ROR1: variants seen among roughly 807,000 people sequenced by gnomAD.
The protein encoded by ROR1 is ROR family WNT receptor 1.
Under a neutral mutation model 78.8 loss-of-function variants are expected in ROR1, and 19 were observed. The observed-to-expected ratio is 0.24, with a 90% CI of 0.17 to 0.35. ROR1 has a LOEUF of 0.35. Among genes scored for constraint, ROR1 ranks in the 10% least tolerant of loss-of-function variants. The pLI, the probability that ROR1 is intolerant of heterozygous loss-of-function variation, is 1.00. For missense variants in ROR1, 917 were observed against 1,177.8 expected (o/e 0.78, Z 3.24); for synonymous variants, 386 against 433.6 (o/e 0.89, Z 1.36).
intron 5 of ROR1, among the ~76,000 whole-genome samples, chr1:64,138,486 C>T (rs908808091): frequency 1.3e-5 from 2 of 151,412 alleles, no homozygotes; most frequent in Non-Finnish European, 2.9e-5. Context: ...TATGTGGAAG[C>T]TATGTGCTAT....
chr1:64,084,742 C>G (rs1050269383), intron 4 of ROR1, among the ~76,000 whole-genome samples: 2 of 152,170 alleles, frequency 1.3e-5, no homozygotes, highest in Non-Finnish European at 2.9e-5. Context: ...TTAATTACCC[C>G]CCAAACTCCT....
intron 1 of ROR1, among the ~76,000 whole-genome samples, chr1:64,004,735 C>T (rs1295657480): frequency 1.3e-5 from 2 of 152,156 alleles, no homozygotes; most frequent in Non-Finnish European, 2.9e-5. Flanking sequence ...AGAGCACAGG[C>T]TTTTATCAAT....
intron 1 of ROR1, among the ~76,000 whole-genome samples, chr1:63,863,733 A>ATTGTG (rs1645196736): frequency 7.6e-6 from 1 of 132,042 alleles, no homozygotes; most frequent in African/African-American, 3.1e-5. Context: ...ATTGTATTGT[A>ATTGTG]TTGTATTGTA....
At chr1:63,891,758 T>A (rs1645398289) in intron 1 of ROR1, among the ~76,000 whole-genome samples, 1 of 152,096 alleles carries the variant, frequency 6.6e-6, no homozygotes, top group Admixed American at 6.5e-5. Flanking sequence ...TCTTCTTCTG[T>A]CTGTGGACAT....
chr1:63,930,673 A>T (rs928245629), intron 1 of ROR1, among the ~76,000 whole-genome samples: 4 of 152,188 alleles, frequency 2.6e-5, no homozygotes, highest in South Asian at 2.1e-4. Flanking sequence ...TTTCCTGACC[A>T]TCGCTCATTT....
intron 4 of ROR1, among the ~76,000 whole-genome samples, chr1:64,125,684 T>C (rs1019014245): frequency 2.6e-5 from 4 of 152,106 alleles, no homozygotes; most frequent in Admixed American, 2.6e-4. Context: ...GTTGCAGGGC[T>C]TATGGGGAGT....
rs58097737 is a variant in ROR1 at position 63,807,170 on chromosome 1, T to C, written c.91+32662T>C. ...ACAGATGGTCTTCTGAGACTCTCCA[T>C]GGCAACCTGCAGCTAATCTCTGCCC... On this transcript the variant is annotated intron_variant, in intron 1 of 8. Coordinates refer to ENST00000371079, the MANE Select transcript of ROR1 (RefSeq NM_005012.4). Among the ~76,000 whole-genome samples the C allele has an allele frequency of 2.3e-3, 344 of 152,342 alleles. 3 individuals are homozygous for C. In the East Asian group the frequency reaches 0.033, roughly 15 times the overall value.
rs1024799902 is a variant in ROR1, at chr1:64,040,075, G to A, written c.164-9616G>A. 5.9e-5 allele frequency among the ~76,000 whole-genome samples: 9 copies of A among 152,208 alleles called. 1 individual carries two copies. The highest frequency in any genetic ancestry group is 2.2e-4 in the African/African-American group (9 of 41,466). On this transcript the variant is annotated intron_variant, in intron 2 of 8. Coordinates refer to ENST00000371079, the MANE Select transcript of ROR1 (RefSeq NM_005012.4). Reference sequence around the variant, plus strand: ...TTTACAGGGATGGGAAAAGCTTCAAGTGACTTCTTGGAATGTAGATGTACC... The same window carrying A: ...TTTACAGGGATGGGAAAAGCTTCAAATGACTTCTTGGAATGTAGATGTACC...
At chr1:63,922,217 G>A (rs1645660899) in intron 1 of ROR1, among the ~76,000 whole-genome samples, 4 of 152,218 alleles carry the variant, frequency 2.6e-5, no homozygotes, top group Admixed American at 2.6e-4. Flanking sequence ...AGTATTTTAT[G>A]TGAGTTATTT....
chr1:63,959,422 C>T (rs1326547855), intron 1 of ROR1, among the ~76,000 whole-genome samples: 2 of 152,118 alleles, frequency 1.3e-5, no homozygotes, highest in Non-Finnish European at 2.9e-5. Flanking sequence ...TTGGATTTCT[C>T]CTTTCACCGA....
intron 1 of ROR1, among the ~76,000 whole-genome samples, chr1:63,802,181 A>G (rs1407504173): frequency 6.6e-6 from 1 of 152,198 alleles, no homozygotes; most frequent in Non-Finnish European, 1.5e-5. Flanking sequence ...ATTTCCAAAA[A>G]ATTATATAGC....
intron 1 of ROR1, among the ~76,000 whole-genome samples, chr1:63,947,769 C>T (rs1263787984): frequency 6.6e-6 from 1 of 152,132 alleles, no homozygotes; most frequent in Non-Finnish European, 1.5e-5. Flanking sequence ...AGAATATGAT[C>T]CCCAGTTGGG....
At chr1:64,062,823 T>A (rs1224931531) in intron 4 of ROR1, among the ~76,000 whole-genome samples, 1 of 152,180 alleles carries the variant, frequency 6.6e-6, no homozygotes, top group Non-Finnish European at 1.5e-5. Context: ...ATAATCTTGA[T>A]GATGTTAAAG....
intron 1 of ROR1, among the ~76,000 whole-genome samples, chr1:63,824,686 T>A (rs983063601): frequency 1.3e-5 from 2 of 152,178 alleles, no homozygotes; most frequent in Non-Finnish European, 2.9e-5. Context: ...TCTTAATGAC[T>A]GGCAATACAT....
At chr1:63,913,628 G>A (rs1645587596) in intron 1 of ROR1, among the ~76,000 whole-genome samples, 1 of 152,080 alleles carries the variant, frequency 6.6e-6, no homozygotes, top group South Asian at 2.1e-4. Flanking sequence ...GCATTCCCTT[G>A]CCTGTCCCAC....
intron 1 of ROR1, among the ~76,000 whole-genome samples, chr1:63,991,484 A>C (rs1014363532): frequency 1.3e-5 from 2 of 152,192 alleles, no homozygotes; most frequent in East Asian, 1.9e-4. Context: ...CCTGTTTGCC[A>C]TATATGCATT....
intron 1 of ROR1, among the ~76,000 whole-genome samples, chr1:63,941,842 A>G (rs1053806049): frequency 2.6e-5 from 4 of 152,176 alleles, no homozygotes; most frequent in Admixed American, 2.6e-4. Context: ...AAAAGTAATA[A>G]TCATATCTGA....
chr1:64,024,502 A>T lies in ROR1; in HGVS notation c.163+15126A>T, dbSNP rs570370788. On this transcript the variant is annotated intron_variant, in intron 2 of 8. Coordinates refer to ENST00000371079, the MANE Select transcript of ROR1 (RefSeq NM_005012.4). ...TCTCAAAAACAAAAAACAAAAAACA[A>T]AAAAAACAAAAACAAATGTGTTCCA... Among the ~76,000 whole-genome samples the T allele has an allele frequency of 2.0e-4, 30 of 152,256 alleles. No individual in the cohort carries two copies. The South Asian group carries it at 6.2e-3, about 32-fold the overall frequency.
At chr1:63,975,816 G>C (rs555224854) in intron 1 of ROR1, among the ~76,000 whole-genome samples, 2 of 152,280 alleles carry the variant, frequency 1.3e-5, no homozygotes, top group South Asian at 4.1e-4. Flanking sequence ...TGGGAGAGGG[G>C]AGAGAGGCTC....
Sources: allele counts gnomAD v4.1 joint callset (sites outside exome capture counted in the v4.1 genomes callset), GRCh38; gene constraint gnomAD v4.1.1; transcripts MANE v1.5; gene names NCBI Gene and HGNC (gene_info 2026-07-23, HGNC 2026-07-21).